The following CSMD2 variants were observed in gnomAD, a reference collection of about 807,000 sequenced individuals.
The protein encoded by CSMD2 is CUB and sushi domain-containing protein 2.
A neutral mutation model predicts 398.5 loss-of-function variants in CSMD2; 130 were observed. The ratio of observed to expected loss-of-function variants is 0.33; its 90% CI spans 0.28 to 0.38. The LOEUF (loss-of-function observed/expected upper bound fraction) is 0.38, where lower values mean the gene tolerates loss of function less well. CSMD2 is among the 10% of genes least tolerant of loss of function. The pLI, the probability that CSMD2 is intolerant of heterozygous loss-of-function variation, is 1.00. For synonymous variants in CSMD2, 1,828 were observed against 1,908.5 expected (o/e 0.96, Z 1.10); for missense variants, 3,829 against 4,764.9 (o/e 0.80, Z 5.78).
chr1:33,568,485 C>A (rs1017235603), intron 52 of CSMD2, among the ~76,000 whole-genome samples: 16 of 152,174 alleles, frequency 1.1e-4, no homozygotes, highest in Non-Finnish European at 2.2e-4. Flanking sequence ...CCACACCTAG[C>A]CTGGGCATCT....
Position 33,936,261 on chromosome 1 carries a change from G to C in CSMD2, c.518-307C>G, listed in dbSNP as rs1644477993. ...TGAATTATGTTCATCCTGATCACTA[G>C]AGATGCAATTCCAGGAATATTACTT... is the stretch of plus-strand genomic sequence containing the variant. On this transcript the variant is annotated intron_variant, in intron 3 of 70. Coordinates refer to ENST00000373381, the MANE Select transcript of CSMD2 (RefSeq NM_001281956.2). 2.6e-5 allele frequency among the ~76,000 whole-genome samples: 4 copies of C among 152,210 alleles called. 1 individual carries two copies. The South Asian group carries it at 8.3e-4, about 32-fold the overall frequency.
At chr1:34,141,520 G>A (rs1639294357) in intron 1 of CSMD2, among the ~76,000 whole-genome samples, 1 of 152,188 alleles carries the variant, frequency 6.6e-6, no homozygotes, top group African/African-American at 2.4e-5. Context: ...TTGAAGTGAT[G>A]GCTGGGCCTT....
rs1381190497 is a variant in CSMD2 at position 33,633,312 on chromosome 1, G to A, written c.5200+110C>T. On this transcript the variant is annotated intron_variant, in intron 32 of 70. Coordinates refer to ENST00000373381, the MANE Select transcript of CSMD2 (RefSeq NM_001281956.2). This position sits in a 1 kb window ranked among gnomAD's most constrained non-coding sequence, Gnocchi z 5.0. Reference sequence around the variant, plus strand: ...CACCAGAACACGACAGGCACGCAGAGCCGTAGGGTTCCACCTGCGGCCATG... The same window carrying A: ...CACCAGAACACGACAGGCACGCAGAACCGTAGGGTTCCACCTGCGGCCATG... 4 of 780,012 alleles carry A rather than the reference G, an allele frequency of 5.1e-6. No homozygotes were observed. 48.3% of individuals were successfully genotyped at this position (780,012 alleles called of 1,614,324 possible).
At chr1:33,828,618 G>A (rs1659094599) in intron 6 of CSMD2, among the ~76,000 whole-genome samples, 1 of 152,206 alleles carries the variant, frequency 6.6e-6, no homozygotes, top group Admixed American at 6.5e-5. Flanking sequence ...AGGGGCTGAT[G>A]TGGGCACTGT....
At chr1:33,781,762 C>T (rs2149351925) in intron 12 of CSMD2, among the ~76,000 whole-genome samples, 1 of 152,268 alleles carries the variant, frequency 6.6e-6, no homozygotes, top group Non-Finnish European at 1.5e-5. Context: ...TTGCCTGTTC[C>T]TTAAATATTT....
intron 12 of CSMD2, among the ~76,000 whole-genome samples, chr1:33,783,219 C>T (rs540374762): frequency 7.2e-5 from 11 of 152,104 alleles, no homozygotes; most frequent in South Asian, 4.2e-4. Flanking sequence ...GCAGAGATGG[C>T]GAGCTTGGTT....
chr1:33,821,914 G>A (rs748269978), intron 7 of CSMD2, among the ~76,000 whole-genome samples: 3 of 152,192 alleles, frequency 2.0e-5, no homozygotes, highest in African/African-American at 7.2e-5. Context: ...ACAGGCACGA[G>A]GAGTGAGGTG....
intron 12 of CSMD2, among the ~76,000 whole-genome samples, chr1:33,775,756 A>G (rs1239225559): frequency 1.3e-5 from 2 of 152,216 alleles, no homozygotes; most frequent in South Asian, 4.1e-4. Context: ...CTAGAAATTC[A>G]GCTCATAGAT....
At chr1:33,988,160 TA>T (rs1558207725) in intron 3 of CSMD2, among the ~76,000 whole-genome samples, 1 of 152,216 alleles carries the variant, frequency 6.6e-6, no homozygotes, top group East Asian at 1.9e-4. Flanking sequence ...TTACTGGGCT[TA>T]ATACATACCT....
intron 21 of CSMD2, among the ~76,000 whole-genome samples, chr1:33,711,871 A>G (rs905112286): frequency 6.6e-6 from 1 of 152,152 alleles, no homozygotes; most frequent in Non-Finnish European, 1.5e-5. Context: ...TCCTTGGCCA[A>G]TCCCCAGGTC....
At chr1:33,609,683 A>C (rs767736974) in intron 41 of CSMD2, among the ~76,000 whole-genome samples, 13 of 152,206 alleles carry the variant, frequency 8.5e-5, no homozygotes, top group Non-Finnish European at 1.6e-4. Flanking sequence ...TAACTTTAAA[A>C]AACAAAATTG....
chr1:33,550,266 C>T lies in CSMD2; in HGVS notation c.8828G>A (p.Ser2943Asn), dbSNP rs781052117. ...CACCAGAGTACGCTTGCCGATGCAG[C>T]TGTACCGCACCACTGCTCCCACAGT... ...SYTVGAVVRY[S>N]CIGKRTLVGN... The change falls in exon 56 of 71, where the codon AGC becomes AAC. Residue 2943 changes from serine to asparagine, a missense_variant. Around this residue, in one of 5 missense-constraint regions of CSMD2, gnomAD observed 917 missense variants for 1,199.5 expected, o/e 0.76. Coordinates refer to ENST00000373381, the MANE Select transcript of CSMD2 (RefSeq NM_001281956.2). 6.2e-7 allele frequency: 1 copy of T among 1,614,226 alleles called. No individual in the cohort carries two copies. The highest frequency in any genetic ancestry group is 2.2e-5 in the East Asian group (1 of 44,876).
intron 24 of CSMD2, among the ~76,000 whole-genome samples, chr1:33,693,554 C>T (rs1645313969): frequency 6.6e-6 from 1 of 152,166 alleles, no homozygotes; most frequent in Non-Finnish European, 1.5e-5. Context: ...AAATGTTAAA[C>T]ATAGTCACCA....
chr1:33,955,804 CAAAAT>C (rs61178949), intron 3 of CSMD2, among the ~76,000 whole-genome samples: 70,133 of 151,578 alleles, frequency 0.46, 16,799 homozygotes, highest in Non-Finnish European at 0.53. Context: ...CACTATTAGA[CAAAAT>C]AAAGTGCCGG....
chr1:33,634,183 TC>T (rs1217441867), intron 31 of CSMD2, among the ~76,000 whole-genome samples: 3 of 152,170 alleles, frequency 2.0e-5, no homozygotes, highest in African/African-American at 7.2e-5. Context: ...GTGTCCTGGT[TC>T]TGGGGCAGGA....
At chr1:33,695,391 G>A (rs1645387834) in intron 24 of CSMD2, among the ~76,000 whole-genome samples, 1 of 152,140 alleles carries the variant, frequency 6.6e-6, no homozygotes, top group Non-Finnish European at 1.5e-5. Context: ...GAGTCACTGT[G>A]GTGGCAGTAT....
chr1:34,089,451 T>C (rs1658305347), intron 1 of CSMD2, among the ~76,000 whole-genome samples: 1 of 152,088 alleles, frequency 6.6e-6, no homozygotes, highest in Non-Finnish European at 1.5e-5. Flanking sequence ...CAGTAGAAAA[T>C]TAAGGCTTTG....
At chr1:33,799,538 C>T (rs1048489039) in intron 10 of CSMD2, among the ~76,000 whole-genome samples, 1 of 152,208 alleles carries the variant, frequency 6.6e-6, no homozygotes, top group Non-Finnish European at 1.5e-5. Context: ...CCTAACAGAA[C>T]CCCAACTTTA....
intron 41 of CSMD2, among the ~76,000 whole-genome samples, chr1:33,608,809 A>C (rs1435079648): frequency 1.3e-5 from 2 of 152,136 alleles, no homozygotes; most frequent in Non-Finnish European, 2.9e-5. Context: ...TGACACCTTG[A>C]TCTTGACCAT....
Sources: gnomAD v4.1 joint callset for allele counts (sites outside exome capture counted in the v4.1 genomes callset) on GRCh38, gnomAD v4.1.1 for gene constraint, gnomAD v4.1.1 regional missense constraint, Gnocchi (gnomAD v3.1) non-coding constraint, MANE v1.5 for transcripts, NCBI Gene and HGNC (gene_info 2026-07-23, HGNC 2026-07-21) for gene names.